EYA1: variants seen among roughly 807,000 people sequenced by gnomAD.
The protein encoded by EYA1 is protein phosphatase EYA1.
In EYA1, 16 loss-of-function variants were observed where a neutral mutation model predicts 82.0. That is an observed-to-expected ratio of 0.20 (90% confidence interval 0.13 to 0.30). The LOEUF is 0.30. Ranked by LOEUF, EYA1 falls within the 10% of genes least tolerant of loss-of-function variation. EYA1 has a pLI of 1.00. For synonymous variants in EYA1, 261 were observed against 264.4 expected, an observed-to-expected ratio of 0.99 and a Z score of 0.12; for missense variants, 633 against 730.7, an observed-to-expected ratio of 0.87 and a Z score of 1.54.
rs75947466 is a variant in EYA1 at position 71,342,285 on chromosome 8, A to G, written c.125-8111T>C. 7.2e-4 allele frequency among the ~76,000 whole-genome samples: 110 copies of G among 152,296 alleles called. No homozygotes were observed. The East Asian group carries it at 0.019, about 26-fold the overall frequency. ...CAGGGTCCTCCACAGTTTGGCTCCA[A>G]CTGATCCTTCCAACCTTATCTACTA... On this transcript the variant is annotated intron_variant, in intron 3 of 17. Transcript: ENST00000340726.
rs561735437 is a variant in EYA1, at chr8:71,314,698, T to A, written c.556+2854A>T. Reference sequence around the variant, plus strand: ...ATTTTTGGATTAGGAATACTCAACCTGTATATCCAATAGTCTAAAACTGAG... The same window carrying A: ...ATTTTTGGATTAGGAATACTCAACCAGTATATCCAATAGTCTAAAACTGAG... On this transcript the variant is annotated intron_variant, in intron 7 of 17. Coordinates refer to ENST00000340726, the MANE Select transcript of EYA1 (RefSeq NM_000503.6). Among the ~76,000 whole-genome samples the A allele has an allele frequency of 2.2e-4, 33 of 152,324 alleles. No individual in the cohort carries two copies. In the South Asian group the frequency reaches 3.5e-3, roughly 16 times the overall value.
At chr8:71,427,010 TA>T (rs1251618254) in intron 2 of EYA1, among the ~76,000 whole-genome samples, 41 of 152,370 alleles carry the variant, frequency 2.7e-4, no homozygotes, top group African/African-American at 9.9e-4. Context: ...TACAGTAGTA[TA>T]AATCATGGTA....
intron 12 of EYA1, among the ~76,000 whole-genome samples, chr8:71,233,444 T>G (rs565405220): frequency 4.3e-4 from 66 of 151,838 alleles, no homozygotes; most frequent in African/African-American, 1.2e-3. Flanking sequence ...GGCGCCTGTA[T>G]TCCCAGCTAC....
chr8:71,410,133 G>A (rs1042559842), intron 2 of EYA1, among the ~76,000 whole-genome samples: 3 of 151,312 alleles, frequency 2.0e-5, no homozygotes, highest in African/African-American at 7.3e-5. Context: ...AAAACCACAT[G>A]ATTATTTCAA....
chr8:71,529,328 A>C (rs1483512886), intron 2 of EYA1: 1 of 152,240 alleles, frequency 6.6e-6, no homozygotes, highest in Non-Finnish European at 1.5e-5. Context: ...CAGATAGATA[A>C]ACAGAAAGAT....
intron 1 of EYA1, among the ~76,000 whole-genome samples, chr8:71,538,588 T>A (rs1814900390): frequency 6.6e-6 from 1 of 151,224 alleles, no homozygotes; most frequent in Non-Finnish European, 1.5e-5. Flanking sequence ...CCTACTTGCC[T>A]GCCTATCTAC....
At chr8:71,481,069 A>C (rs1036977050) in intron 2 of EYA1, among the ~76,000 whole-genome samples, 3 of 152,198 alleles carry the variant, frequency 2.0e-5, no homozygotes, top group Admixed American at 2.0e-4. Flanking sequence ...ACATATTAGA[A>C]TATTTCAAGG....
chr8:71,415,481 G>A (rs914473015), intron 2 of EYA1, among the ~76,000 whole-genome samples: 2 of 152,182 alleles, frequency 1.3e-5, no homozygotes, highest in Admixed American at 6.5e-5. Flanking sequence ...CCTAAACACA[G>A]AGAGCTAGTA....
intron 3 of EYA1, among the ~76,000 whole-genome samples, chr8:71,346,059 T>A (rs1222797342): frequency 1.3e-5 from 2 of 151,934 alleles, no homozygotes; most frequent in East Asian, 3.9e-4. Flanking sequence ...ATTCGGAATG[T>A]CTTCGTCACA....
At chr8:71,509,237 T>A (rs990496531) in intron 2 of EYA1, among the ~76,000 whole-genome samples, 1 of 151,944 alleles carries the variant, frequency 6.6e-6, no homozygotes, top group Admixed American at 6.6e-5. Context: ...TCAAAATAAA[T>A]AAATAAATAA....
chr8:71,227,855 G>T (rs903788260), intron 12 of EYA1, among the ~76,000 whole-genome samples: 24 of 152,042 alleles, frequency 1.6e-4, no homozygotes, highest in African/African-American at 5.8e-4. Flanking sequence ...TTTTGCAGGG[G>T]TGAGAGTGGG....
At chr8:71,489,408 T>C (rs192323241) in intron 2 of EYA1, among the ~76,000 whole-genome samples, 33 of 152,306 alleles carry the variant, frequency 2.2e-4, no homozygotes, top group Admixed American at 2.1e-3. Context: ...AAACGCTTTG[T>C]TTTAAAACAT....
At chr8:71,484,658 A>G (rs1315698521) in intron 2 of EYA1, among the ~76,000 whole-genome samples, 1 of 152,198 alleles carries the variant, frequency 6.6e-6, no homozygotes, top group Non-Finnish European at 1.5e-5. Flanking sequence ...GGGTCCTGCA[A>G]ATTAGATTGC....
intron 11 of EYA1, among the ~76,000 whole-genome samples, chr8:71,248,840 A>G (rs1813412716): frequency 6.6e-6 from 1 of 152,238 alleles, no homozygotes; most frequent in Non-Finnish European, 1.5e-5. Context: ...ACAGTTAATA[A>G]ATTACTCTGG....
At chr8:71,208,386 C>A (rs749754203) in intron 17 of EYA1, among the ~76,000 whole-genome samples, 15 of 151,962 alleles carry the variant, frequency 9.9e-5, no homozygotes, top group African/African-American at 3.4e-4. Flanking sequence ...GAGCCGAGAT[C>A]GCGCTACTGC....
At chr8:71,357,398 C>T (rs1312227757) in intron 1 of EYA1, among the ~76,000 whole-genome samples, 1 of 152,222 alleles carries the variant, frequency 6.6e-6, no homozygotes, top group Non-Finnish European at 1.5e-5. Flanking sequence ...AGTCACTGCC[C>T]TTCTTCCAGA....
rs11372972 is a variant in EYA1 at position 71,425,291 on chromosome 8, GA to G, written c.34-68781del. ...TGACAGAGGGAGACTCCGTCTCAAAGAAAAAAAAAAGAAAATGCACACTTTA... is the reference window on the plus strand; with the variant it reads ...TGACAGAGGGAGACTCCGTCTCAAAGAAAAAAAAAGAAAATGCACACTTTA... On this transcript the variant is annotated intron_variant, in intron 2 of 18. Transcript: ENST00000643681. Among the ~76,000 whole-genome samples, 346 of 147,236 alleles carry G rather than the reference GA, an allele frequency of 2.3e-3. 2 individuals are homozygous for G. The highest frequency in any genetic ancestry group is 8.4e-3 in the African/African-American group (335 of 39,868).
chr8:71,498,663 C>T (rs34658546), intron 2 of EYA1, among the ~76,000 whole-genome samples: 23,600 of 152,072 alleles, frequency 0.16, 1,915 homozygotes, highest in Non-Finnish European at 0.17. Flanking sequence ...TTCCAACAAC[C>T]ATAGATATCA....
intron 2 of EYA1, among the ~76,000 whole-genome samples, chr8:71,527,564 A>G (rs574433338): frequency 3.5e-4 from 54 of 152,356 alleles, no homozygotes; most frequent in African/African-American, 1.3e-3. Flanking sequence ...GTGCAGGGGC[A>G]GTCATCCCTG....
Sources: gnomAD v4.1 joint callset for allele counts (sites outside exome capture counted in the v4.1 genomes callset) on GRCh38, gnomAD v4.1.1 for gene constraint, MANE v1.5 for transcripts, NCBI Gene and HGNC (gene_info 2026-07-23, HGNC 2026-07-21) for gene names.